UGCG: variants seen among roughly 807,000 people sequenced by gnomAD.
UGCG encodes the protein ceramide glucosyltransferase.
UGCG carries 10 observed loss-of-function variants against 49.5 expected under a neutral mutation model. The observed-to-expected ratio is 0.20, with a 90% confidence interval of 0.12 to 0.34. The LOEUF is 0.34. Ranked by LOEUF, UGCG falls within the 10% of genes least tolerant of loss-of-function variation. The pLI is 1.00. For synonymous variants in UGCG, 182 were observed against 158.2 expected, an observed-to-expected ratio of 1.15 and a Z score of -1.13; for missense variants, 312 against 483.7, an observed-to-expected ratio of 0.65 and a Z score of 3.33.
At chr9:111,926,038 AG>A (rs375571712) in intron 4 of UGCG, among the ~76,000 whole-genome samples, 3 of 152,218 alleles carry the variant, frequency 2.0e-5, no homozygotes, top group African/African-American at 7.2e-5. Context: ...GAGGTCCTTT[AG>A]CCTCTGCTCC....
At chr9:111,925,854 A>T (rs573647917) in intron 4 of UGCG, among the ~76,000 whole-genome samples, 2 of 152,224 alleles carry the variant, frequency 1.3e-5, no homozygotes, top group Admixed American at 1.3e-4. Context: ...CTGGTCAGAG[A>T]TGATGTTCAT....
chr9:111,919,197 T>C (rs764382626), intron 2 of UGCG, among the ~76,000 whole-genome samples: 50 of 152,234 alleles, frequency 3.3e-4, no homozygotes, highest in Non-Finnish European at 6.8e-4. Context: ...ACTCACAAAA[T>C]AGCATTAAAA....
At chr9:111,905,762 A>T (rs549414145) in intron 1 of UGCG, among the ~76,000 whole-genome samples, 1 of 152,116 alleles carries the variant, frequency 6.6e-6, no homozygotes, top group South Asian at 2.1e-4. Context: ...CCTCTCCTTC[A>T]TGCATTACTG....
At chr9:111,922,690 TG>T in intron 2 of UGCG, 158 bp from the exon 3 acceptor site, 1 of 438,560 alleles carries the variant, frequency 2.3e-6, no homozygotes, top group Non-Finnish European at 4.0e-6. Context: ...AAGCAACACT[TG>T]TTATCATAAG....
chr9:111,921,795 C>T (rs1041658562), intron 2 of UGCG, among the ~76,000 whole-genome samples: 2 of 94,740 alleles, frequency 2.1e-5, no homozygotes, highest in Non-Finnish European at 4.5e-5. Flanking sequence ...ATAAATGCCC[C>T]AGGGTGATTT....
chr9:111,920,553 C>T lies in UGCG; in HGVS notation c.241-2296C>T, dbSNP rs574259424. Among the ~76,000 whole-genome samples the T allele has an allele frequency of 3.9e-5, 6 of 152,056 alleles. No homozygotes were observed. In the South Asian group the frequency reaches 8.3e-4, roughly 21 times the overall value. On this transcript the variant is annotated intron_variant, in intron 2 of 8. Transcript: ENST00000374279. ...CTAATTATTGCATTTTTAGTAGAGA[C>T]GGGGTTTCACCATGTTGGTCAGGCT...
intron 1 of UGCG, among the ~76,000 whole-genome samples, chr9:111,901,229 G>A (rs1024989871): frequency 6.6e-6 from 1 of 152,180 alleles, no homozygotes; most frequent in African/African-American, 2.4e-5. Flanking sequence ...GTCAAAAACT[G>A]GTTATGTTTT....
At chr9:111,905,319 C>T (rs1837860486) in intron 1 of UGCG, among the ~76,000 whole-genome samples, 1 of 152,206 alleles carries the variant, frequency 6.6e-6, no homozygotes, top group Non-Finnish European at 1.5e-5. Flanking sequence ...GTCTCTCCAG[C>T]AGCATTCAGT....
At chr9:111,924,200 ATTATTTTT>A (rs1306796324) in intron 3 of UGCG, among the ~76,000 whole-genome samples, 1 of 152,130 alleles carries the variant, frequency 6.6e-6, no homozygotes, top group Non-Finnish European at 1.5e-5. Flanking sequence ...TTCCCTTAGG[ATTATTTTT>A]TAAATTGACA....
intron 3 of UGCG, 80 bp from the exon 4 acceptor site, chr9:111,924,697 A>T: frequency 1.7e-6 from 1 of 588,682 alleles, no homozygotes; most frequent in Non-Finnish European, 2.7e-6. Context: ...AAGTATTCTC[A>T]TTTCTATCAT....
chr9:111,903,323 G>A (rs1011230728), intron 1 of UGCG, among the ~76,000 whole-genome samples: 1 of 152,146 alleles, frequency 6.6e-6, no homozygotes, highest in African/African-American at 2.4e-5. Flanking sequence ...CCAGCACTTT[G>A]GGAGGCCGAG....
intron 2 of UGCG, 79 bp from the exon 3 acceptor site, chr9:111,922,770 C>T: frequency 2.0e-6 from 2 of 980,986 alleles, no homozygotes; most frequent in Admixed American, 3.0e-5. Context: ...TTTTCCTGTG[C>T]TTTTTGTTCA....
At position 111,934,044 on chromosome 9, in the gene UGCG, A is replaced by G. The variant is rs1474404944; in HGVS notation, c.*1047A>G. On this transcript the variant is annotated 3_prime_UTR_variant, in exon 9 of 9. Coordinates refer to ENST00000374279, the MANE Select transcript of UGCG (RefSeq NM_003358.3). ...TAAGTCAGTAAATATTCTAGCCATCAATAAATTGCAGTAGAGTATTAAGAG... is the reference window on the plus strand; with the variant it reads ...TAAGTCAGTAAATATTCTAGCCATCGATAAATTGCAGTAGAGTATTAAGAG... The G allele has an allele frequency of 6.6e-6, 1 of 152,194 alleles. No homozygotes were observed. The highest frequency in any genetic ancestry group is 2.4e-5 in the African/African-American group (1 of 41,444). 9.4% of individuals were successfully genotyped at this position (152,194 alleles called of 1,614,324 possible). A position where few individuals can be genotyped will look rare whatever the true frequency, so the allele number is the denominator to read the frequency against.
rs1837679434 is a variant in UGCG at position 111,897,205 on chromosome 9, C to T, written c.-11C>T. 6.5e-7 allele frequency: 1 copy of T among 1,542,630 alleles called. No homozygotes were observed. Among genetic ancestry groups the T allele is most frequent in the Non-Finnish European group, 8.7e-7 (1 of 1,145,868 alleles). ...GCCGCAGCGGGCCGGGCCGGTCCGG[C>T]GGGCCGGGGGATGGCGCTGCTGGAC... is the stretch of plus-strand genomic sequence containing the variant. On this transcript the variant is annotated 5_prime_UTR_variant, in exon 1 of 9. Transcript: ENST00000374279.
chr9:111,919,555 G>T (rs985860272), intron 2 of UGCG, among the ~76,000 whole-genome samples: 2 of 152,160 alleles, frequency 1.3e-5, no homozygotes, highest in South Asian at 4.1e-4. Flanking sequence ...ACTCTGGGAG[G>T]CCGAGGCAGG....
chr9:111,929,466 T>C (rs1440753729), intron 5 of UGCG, 34 bp from the exon 6 acceptor site: 1 of 1,582,152 alleles, frequency 6.3e-7, no homozygotes, highest in Non-Finnish European at 8.6e-7. Flanking sequence ...TAACATGAAA[T>C]TCTAATCATA....
intron 1 of UGCG, among the ~76,000 whole-genome samples, chr9:111,907,564 G>C (rs969892678): frequency 6.6e-6 from 1 of 151,446 alleles, no homozygotes; most frequent in African/African-American, 2.4e-5. Flanking sequence ...ATTTCACCGT[G>C]TTGGGTGCTG....
chr9:111,927,438 G>T (rs566318594), intron 5 of UGCG, among the ~76,000 whole-genome samples: 5 of 151,666 alleles, frequency 3.3e-5, no homozygotes, highest in African/African-American at 4.8e-5. Flanking sequence ...AGTTTATGGG[G>T]TTTTTTTGTT....
At chr9:111,904,412 T>G (rs1477533683) in intron 1 of UGCG, among the ~76,000 whole-genome samples, 1 of 152,248 alleles carries the variant, frequency 6.6e-6, no homozygotes, top group Admixed American at 6.5e-5. Flanking sequence ...AAACCTCTTC[T>G]AAATCTTCAT....
Sources: gnomAD v4.1 joint callset for allele counts (sites outside exome capture counted in the v4.1 genomes callset) on GRCh38, gnomAD v4.1.1 for gene constraint, MANE v1.5 for transcripts, NCBI Gene and HGNC (gene_info 2026-07-23, HGNC 2026-07-21) for gene names.